ZFYVE9: variants seen among roughly 807,000 people sequenced by gnomAD.
ZFYVE9 encodes the protein zinc finger FYVE domain-containing protein 9.
ZFYVE9 carries 43 observed loss-of-function variants against 126.7 expected under a neutral mutation model. The ratio of observed to expected loss-of-function variants is 0.34; its 90% CI spans 0.27 to 0.44. The LOEUF is 0.44. Among genes scored for constraint, ZFYVE9 ranks in the 20% least tolerant of loss-of-function variants. The probability of loss-of-function intolerance (pLI) is 1.00; values close to 1 mark genes in which losing one functional copy is unlikely to be tolerated. For missense variants in ZFYVE9, 1,476 were observed against 1,697.0 expected, an observed-to-expected ratio of 0.87 and a Z score of 2.29; for synonymous variants, 521 against 597.4, an observed-to-expected ratio of 0.87 and a Z score of 1.87.
chr1:52,156,194 A>G (rs958199927), intron 1 of ZFYVE9, among the ~76,000 whole-genome samples: 1 of 152,184 alleles, frequency 6.6e-6, no homozygotes, highest in African/African-American at 2.4e-5. Context: ...TCTGATTAGG[A>G]TAGAAAGGAA....
intron 13 of ZFYVE9, among the ~76,000 whole-genome samples, chr1:52,304,912 A>C (rs1557511154): frequency 6.6e-6 from 1 of 152,056 alleles, no homozygotes; most frequent in Non-Finnish European, 1.5e-5. Context: ...TCAAGGAGTA[A>C]TCGATGAGAC....
intron 1 of ZFYVE9, among the ~76,000 whole-genome samples, chr1:52,182,444 C>G (rs1357303466): frequency 1.3e-5 from 2 of 152,082 alleles, no homozygotes; most frequent in Non-Finnish European, 2.9e-5. Context: ...TGATCTATGA[C>G]CTTACCCCGA....
chr1:52,159,655 G>A (rs1461001817), intron 1 of ZFYVE9, among the ~76,000 whole-genome samples: 2 of 152,224 alleles, frequency 1.3e-5, no homozygotes, highest in Non-Finnish European at 2.9e-5. Flanking sequence ...AGGGACTGCA[G>A]TAGGAGGCTG....
chr1:52,334,715 G>T lies in ZFYVE9; in HGVS notation c.3617G>T (p.Ser1206Ile). The T allele has an allele frequency of 6.2e-7, 1 of 1,613,930 alleles. No individual in the cohort carries two copies. The highest frequency in any genetic ancestry group is 8.5e-7 in the Non-Finnish European group (1 of 1,179,896). Residue 1206 changes from serine (S) to isoleucine (I), a missense_variant, in exon 15 of 19, where the codon AGT becomes ATT. Around this residue, in one of 2 missense-constraint regions of ZFYVE9, gnomAD observed 669 missense variants for 902.4 expected, o/e 0.74. Transcript: ENST00000287727. ...KVTGASFFVF[S>I]GALKSSSGYL... Reference sequence around the variant, plus strand: ...ACTGGTGCCAGTTTCTTTGTGTTCAGTGGCGCTCTGAAATCCTCTTCTGGA... The same window carrying T: ...ACTGGTGCCAGTTTCTTTGTGTTCATTGGCGCTCTGAAATCCTCTTCTGGA...
chr1:52,234,831 A>G (rs1300167086), intron 3 of ZFYVE9, among the ~76,000 whole-genome samples: 6 of 152,208 alleles, frequency 3.9e-5, no homozygotes, highest in South Asian at 2.1e-4. Context: ...AACTGTTTGT[A>G]TAAGTATTTT....
At chr1:52,286,222 T>C (rs914082936) in intron 10 of ZFYVE9, among the ~76,000 whole-genome samples, 2 of 152,142 alleles carry the variant, frequency 1.3e-5, no homozygotes, top group African/African-American at 4.8e-5. Flanking sequence ...TGAGTGAAAT[T>C]GACAAATTGT....
intron 4 of ZFYVE9, among the ~76,000 whole-genome samples, chr1:52,253,393 G>C (rs1176156899): frequency 2.6e-5 from 4 of 152,124 alleles, no homozygotes; most frequent in Non-Finnish European, 4.4e-5. Context: ...TAGATACTAA[G>C]AGGTAGAAAT....
chr1:52,153,987 G>C (rs140556941), intron 1 of ZFYVE9, among the ~76,000 whole-genome samples: 252 of 152,292 alleles, frequency 1.7e-3, no homozygotes, highest in African/African-American at 5.6e-3. Flanking sequence ...CATTAGCTGT[G>C]CCTGCAGCAG....
chr1:52,260,244 A>G (rs543180902), intron 4 of ZFYVE9, among the ~76,000 whole-genome samples: 39 of 152,058 alleles, frequency 2.6e-4, no homozygotes, highest in Admixed American at 2.4e-3. Flanking sequence ...AAAACATACT[A>G]TAAAACTCAT....
chr1:52,338,413 A>C (rs1646407845), intron 16 of ZFYVE9, among the ~76,000 whole-genome samples: 1 of 152,012 alleles, frequency 6.6e-6, no homozygotes, highest in South Asian at 2.1e-4. Context: ...GTGTTCGGCA[A>C]CTCTATTCTA....
At chr1:52,303,970 AGTG>A in intron 13 of ZFYVE9, 45 bp downstream of exon 13, 1 of 1,361,380 alleles carries the variant, frequency 7.3e-7, no homozygotes, top group South Asian at 1.5e-5. Context: ...TGAAAACATG[AGTG>A]AAGGTGAAAA....
chr1:52,152,322 C>T (rs112997579), intron 1 of ZFYVE9, among the ~76,000 whole-genome samples: 239 of 152,180 alleles, frequency 1.6e-3, no homozygotes, highest in Non-Finnish European at 2.5e-3. Flanking sequence ...TGTGGAACCC[C>T]TTTTTTCCAC....
At chr1:52,170,191 A>G (rs192542577) in intron 1 of ZFYVE9, among the ~76,000 whole-genome samples, 12 of 152,270 alleles carry the variant, frequency 7.9e-5, no homozygotes, top group South Asian at 2.1e-4. Context: ...TAATATTTGT[A>G]AATCCATTGC....
intron 1 of ZFYVE9, among the ~76,000 whole-genome samples, chr1:52,181,415 C>T (rs373165307): frequency 9.8e-5 from 15 of 152,296 alleles, no homozygotes; most frequent in Non-Finnish European, 5.9e-5. Context: ...AGTGCAGTGG[C>T]GTGATCTCGG....
At chr1:52,255,444 G>A (rs1056802107) in intron 4 of ZFYVE9, among the ~76,000 whole-genome samples, 2 of 151,828 alleles carry the variant, frequency 1.3e-5, no homozygotes, top group African/African-American at 2.4e-5. Context: ...AATTAGCCGG[G>A]CATGGTGGCA....
chr1:52,263,758 C>CGG lies in ZFYVE9; in HGVS notation c.2179-15_2179-14insGG. ...AAGTAAATTTTGTGTGTTCTTCCCCCCCCCCCCCCCACAGGTTTTCTGTGC... is the reference window on the plus strand; with the variant it reads ...AAGTAAATTTTGTGTGTTCTTCCCCCGGCCCCCCCCCCACAGGTTTTCTGTGC... On this transcript the variant is annotated splice_polypyrimidine_tract_variant and intron_variant, in intron 4 of 18. Coordinates refer to ENST00000287727, the MANE Select transcript of ZFYVE9 (RefSeq NM_004799.4). 4.4e-6 allele frequency: 3 copies of CGG among 686,028 alleles called. 1 individual carries two copies. Among genetic ancestry groups the CGG allele is most frequent in the South Asian group, 4.1e-5 (2 of 48,348 alleles). 42.5% of individuals were successfully genotyped at this position (686,028 alleles called of 1,614,324 possible).
intron 1 of ZFYVE9, among the ~76,000 whole-genome samples, chr1:52,181,228 G>A (rs1376056492): frequency 2.6e-5 from 4 of 152,284 alleles, no homozygotes; most frequent in African/African-American, 7.2e-5. Context: ...GATTGCAGGC[G>A]CGCGCTGCCA....
chr1:52,204,961 G>A (rs568289247), intron 1 of ZFYVE9, among the ~76,000 whole-genome samples: 2 of 152,014 alleles, frequency 1.3e-5, no homozygotes, highest in African/African-American at 2.4e-5. Context: ...CCGACATCTG[G>A]TTCCCACAGA....
intron 1 of ZFYVE9, chr1:52,180,056 C>G: frequency 1.2e-6 from 1 of 839,952 alleles, no homozygotes; most frequent in African/African-American, 1.7e-5. Context: ...TTGAAATGTA[C>G]AGACAGCAGA....
Sources: allele counts gnomAD v4.1 joint callset (sites outside exome capture counted in the v4.1 genomes callset), GRCh38; gene constraint gnomAD v4.1.1; regional missense constraint gnomAD v4.1.1; transcripts MANE v1.5; gene names NCBI Gene and HGNC (gene_info 2026-07-23, HGNC 2026-07-21).